Variants in ZNF786 observed in about 807,000 individuals in gnomAD.
ZNF786 encodes zinc finger protein 786.
ZNF786 carries 56 observed loss-of-function variants against 63.1 expected under a neutral mutation model. The ratio of observed to expected loss-of-function variants is 0.89; its 90% CI spans 0.72 to 1.11. ZNF786 has a LOEUF of 1.11. Among genes scored for constraint, ZNF786 ranks in the 50% least tolerant of loss-of-function variants. The pLI, the probability that ZNF786 is intolerant of heterozygous loss-of-function variation, is 0.00. For synonymous variants in ZNF786, 485 were observed against 406.9 expected (o/e 1.19, Z -2.31); for missense variants, 1,213 against 1,041.8 (o/e 1.16, Z -2.26).
rs370097972 is a variant in ZNF786 at position 149,071,888 on chromosome 7, G to C, written c.884C>G (p.Pro295Arg). The change falls in exon 4 of 4, where the codon CCT (proline) becomes CGT (arginine). Residue 295 changes from proline (P) to arginine (R), a missense_variant. Transcript: ENST00000491431. Reference sequence around the variant, plus strand: ...CTTGCCGCATGGGGTGCACTGGGCAGGCTTCTCCCCCTGCTGCGGGAGGCG... The same window carrying C: ...CTTGCCGCATGGGGTGCACTGGGCACGCTTCTCCCCCTGCTGCGGGAGGCG... ...SHRLPQQGEK[P>R]AQCTPCGKRS... The C allele has an allele frequency of 3.1e-6, 5 of 1,603,384 alleles. No homozygotes were observed. Among genetic ancestry groups the C allele is most frequent in the Middle Eastern group, 1.6e-4 (1 of 6,068 alleles).
chr7:149,082,037 C>G (rs1398852796), intron 1 of ZNF786, among the ~76,000 whole-genome samples: 1 of 152,194 alleles, frequency 6.6e-6, no homozygotes, highest in Admixed American at 6.6e-5. Flanking sequence ...TAGGCATTCG[C>G]TTGACATGGT....
chr7:149,073,106 A>G (rs1053030912), intron 3 of ZNF786, among the ~76,000 whole-genome samples: 1 of 152,214 alleles, frequency 6.6e-6, no homozygotes, highest in African/African-American at 2.4e-5. Flanking sequence ...ATTTCTGCCA[A>G]TGTTTCAAGA....
Position 149,071,407 on chromosome 7 carries a change from A to C in ZNF786, c.1365T>G (p.Cys455Trp). ...GACGGAAGTTCCTGCCACACTTGGC[A>C]CACCGGAAAGGCTTCTCTCCGCTGT... ...RVHSGEKPFR[C>W]AKCGRNFRQR... Residue 455 changes from cysteine to tryptophan, a missense_variant, in exon 4 of 4, where the codon TGT (cysteine) becomes TGG (tryptophan). Physicochemically the swap from Cys to Trp is radical, Grantham distance 215. Transcript: ENST00000491431. 2.5e-6 allele frequency: 4 copies of C among 1,612,512 alleles called. No homozygotes were observed. Among genetic ancestry groups the C allele is most frequent in the Non-Finnish European group, 3.4e-6 (4 of 1,179,546 alleles).
At position 149,072,088 on chromosome 7, in the gene ZNF786, C is replaced by T. The variant is rs750783028; in HGVS notation, c.684G>A (p.Gln228=). The change falls in exon 4 of 4, where the codon CAG becomes CAA. Residue 228 remains glutamine (Q), a synonymous_variant. Transcript: ENST00000491431. ...WEKFNKRAET[Q]MPWSSPRVQR... is the part of the protein sequence containing the mutation. ...GTACCCGAGGGCTGCTCCACGGCAT[C>T]TGCGTCTCCGCCCTCTTGTTGAATT... 6.2e-7 allele frequency: 1 copy of T among 1,613,152 alleles called. No homozygotes were observed. Among genetic ancestry groups the T allele is most frequent in the Admixed American group, 1.7e-5 (1 of 59,886 alleles).
At position 149,072,268 on chromosome 7, in the gene ZNF786, G is replaced by A; in HGVS notation, c.504C>T (p.Pro168=). The A allele has an allele frequency of 6.2e-7, 1 of 1,613,530 alleles. No individual in the cohort carries two copies. Among genetic ancestry groups the A allele is most frequent in the African/African-American group, 1.3e-5 (1 of 75,032 alleles). The change falls in exon 4 of 4, where the codon CCC becomes CCT. Residue 168 remains proline (P), a synonymous_variant. Transcript: ENST00000491431. ...ACAAACCAGGAAGATCCAGATTTCT[G>A]GGACCTGGGATTCCTTCTTTTAGGG... The part of the protein sequence containing the change: ...ESTLKEGIPG[P]RNLDLPGLWD...
Position 149,070,207 on chromosome 7 carries a change from T to G in ZNF786, c.*216A>C. ...GCCTGGGTGACAGAGCAAAACTCCA[T>G]CTTGGAAAAAAAAAAAAAAAAGAAA... On this transcript the variant is annotated 3_prime_UTR_variant, in exon 4 of 4. Coordinates refer to ENST00000491431, the MANE Select transcript of ZNF786 (RefSeq NM_152411.4). 1.9e-6 allele frequency: 1 copy of G among 539,202 alleles called. No individual in the cohort carries two copies. Among genetic ancestry groups the G allele is most frequent in the Non-Finnish European group, 3.0e-6 (1 of 329,278 alleles). 33.4% of individuals were successfully genotyped at this position (539,202 alleles called of 1,614,324 possible). A position where few individuals can be genotyped will look rare whatever the true frequency, so the allele number is the denominator to read the frequency against.
chr7:149,081,383 C>T (rs963181837), intron 1 of ZNF786, among the ~76,000 whole-genome samples: 4 of 129,140 alleles, frequency 3.1e-5, no homozygotes, highest in South Asian at 5.0e-4. Flanking sequence ...TTGCAGTGAG[C>T]GGAGATCGCG....
chr7:149,071,000 C>A lies in ZNF786; in HGVS notation c.1772G>T (p.Arg591Ile). The A allele has an allele frequency of 6.2e-7, 1 of 1,612,552 alleles. No individual in the cohort carries two copies. The highest frequency in any genetic ancestry group is 8.5e-7 in the Non-Finnish European group (1 of 1,179,764). The change falls in exon 4 of 4, where the codon AGA (arginine) becomes ATA (isoleucine). Residue 591 changes from arginine to isoleucine, a missense_variant. By Grantham distance (97) the Arg-to-Ile change is moderately conservative. Transcript: ENST00000491431. ...GTTGCACTCTGGGCACTGGAAGGGT[C>A]TCTCCCCGCTGTGCACGCGCAAGTG... ...TEHLRVHSGERPFQCPECNRS... is the reference protein window; with the variant it reads ...TEHLRVHSGEIPFQCPECNRS...
In ZNF786 at chr7:149,071,973, G is replaced by C; in HGVS notation, c.799C>G (p.Pro267Ala). The change falls in exon 4 of 4, where the codon CCC becomes GCC. Residue 267 changes from proline to alanine, a missense_variant. Physicochemically the swap from Pro to Ala is conservative, Grantham distance 27 (BLOSUM62 -1). Transcript: ENST00000491431. The stretch of plus-strand genomic sequence containing the variant: ...ATTTCACCGTCAGCGTTCCGGAAGG[G>C]GCCCCTCCCCGTGTGGGCCGCCAGA... ...RHLAAHTGRG[P>A]FRNADGEMCF... 1.2e-6 allele frequency: 2 copies of C among 1,612,522 alleles called. No individual in the cohort carries two copies. Among genetic ancestry groups the C allele is most frequent in the Non-Finnish European group, 1.7e-6 (2 of 1,179,850 alleles).
chr7:149,080,555 T>C, intron 2 of ZNF786, 36 bp downstream of exon 2: 1 of 1,531,612 alleles, frequency 6.5e-7, no homozygotes, highest in African/African-American at 1.4e-5. Context: ...CAGGATCCAG[T>C]TCCATGACCT....
At chr7:149,077,523 G>A (rs1825576036) in intron 2 of ZNF786, among the ~76,000 whole-genome samples, 1 of 152,146 alleles carries the variant, frequency 6.6e-6, no homozygotes, top group Admixed American at 6.6e-5. Flanking sequence ...AGCTACTCGG[G>A]AGGCTGAGGC....
chr7:149,072,065 AC>A lies in ZNF786; in HGVS notation c.706del (p.Val236TyrfsTer46). ...CACGCCACACCGGAAGTGCCTCTGT[AC>A]CCGAGGGCTGCTCCACGGCATCTGC... The part of the protein sequence containing the change: ...ETQMPWSSPR[V>X]QRHFRCGVCG... On this transcript the variant is annotated frameshift_variant, in exon 4 of 4. Coordinates refer to ENST00000491431, the MANE Select transcript of ZNF786 (RefSeq NM_152411.4). LOFTEE classifies it high-confidence loss of function. 6.2e-7 allele frequency: 1 copy of A among 1,613,126 alleles called. No individual in the cohort carries two copies. Among genetic ancestry groups the A allele is most frequent in the Non-Finnish European group, 8.5e-7 (1 of 1,179,690 alleles).
intron 1 of ZNF786, among the ~76,000 whole-genome samples, chr7:149,083,555 T>C (rs1373549890): frequency 6.6e-6 from 1 of 152,160 alleles, no homozygotes; most frequent in Non-Finnish European, 1.5e-5. Context: ...TTTTAAATGT[T>C]AGTTTCAGGC....
chr7:149,077,394 A>G (rs1401076049), intron 2 of ZNF786, among the ~76,000 whole-genome samples: 7 of 152,206 alleles, frequency 4.6e-5, no homozygotes, highest in South Asian at 2.1e-4. Flanking sequence ...TTGGGAGGCC[A>G]AGGCGGGTGG....
chr7:149,087,231 T>G (rs1010146543), intron 1 of ZNF786, among the ~76,000 whole-genome samples: 1 of 152,216 alleles, frequency 6.6e-6, no homozygotes, highest in Non-Finnish European at 1.5e-5. Context: ...TATTTTAACT[T>G]TAAGGAAATA....
intron 1 of ZNF786, among the ~76,000 whole-genome samples, chr7:149,083,794 T>C (rs1352462464): frequency 6.6e-6 from 1 of 152,202 alleles, no homozygotes; most frequent in Non-Finnish European, 1.5e-5. Context: ...AACGGCACTT[T>C]GTTTTCTACT....
rs558288556 is a variant in ZNF786 at position 149,070,792 on chromosome 7, G to C, written c.1980C>G (p.His660Gln). The change falls in exon 4 of 4, where the codon CAC becomes CAG. Residue 660 changes from histidine to glutamine, a missense_variant. By Grantham distance (24) the His-to-Gln change is conservative (BLOSUM62 0). Coordinates refer to ENST00000491431, the MANE Select transcript of ZNF786 (RefSeq NM_152411.4). ...TTCTGATGTGCTCGATGAGCTTTGA[G>C]TGTTTCACAAAGCCCTTGCCGCACT... ...SCECGKGFVK[H>Q]SKLIEHIRTH... is the part of the protein sequence containing the mutation. The C allele has an allele frequency of 6.8e-5, 109 of 1,613,740 alleles. 2 individuals are homozygous for C. The South Asian group carries it at 1.1e-3, about 17-fold the overall frequency.
rs1225367929 is a variant in ZNF786 at position 149,070,321 on chromosome 7, T to C, written c.*102A>G. The C allele has an allele frequency of 1.4e-6, 2 of 1,470,964 alleles. No homozygotes were observed. The highest frequency in any genetic ancestry group is 1.8e-6 in the Non-Finnish European group (2 of 1,089,426). The allele number at this position is 1,470,964 out of a possible 1,614,324, so 91.1% of individuals were successfully genotyped here. A position where few individuals can be genotyped will look rare whatever the true frequency, so the allele number is the denominator to read the frequency against. Reference sequence around the variant, plus strand: ...CATGACACTCTTGCTCAAAGAAGGATACCTGCTCCTAAAACCCGTCTACCA... The same window carrying C: ...CATGACACTCTTGCTCAAAGAAGGACACCTGCTCCTAAAACCCGTCTACCA... On this transcript the variant is annotated 3_prime_UTR_variant, in exon 4 of 4. Coordinates refer to ENST00000491431, the MANE Select transcript of ZNF786 (RefSeq NM_152411.4).
chr7:149,090,588 C>T, intron 1 of ZNF786, 35 bp downstream of exon 1: 3 of 1,560,836 alleles, frequency 1.9e-6, no homozygotes, highest in South Asian at 1.2e-5. Context: ...ACCACGACCC[C>T]GAAACCGGGC....
Sources: allele counts gnomAD v4.1 joint callset (sites outside exome capture counted in the v4.1 genomes callset), GRCh38; gene constraint gnomAD v4.1.1; transcripts MANE v1.5; gene names NCBI Gene and HGNC (gene_info 2026-07-23, HGNC 2026-07-21).